Variants in PRKCZ observed in about 807,000 individuals in gnomAD.
The protein encoded by PRKCZ is protein kinase C zeta type.
Under a neutral mutation model 79.5 loss-of-function variants are expected in PRKCZ, and 33 were observed. The observed-to-expected ratio is 0.41, with a 90% CI of 0.31 to 0.55. PRKCZ has a LOEUF of 0.55. Among genes scored for constraint, PRKCZ ranks in the 20% least tolerant of loss-of-function variants. PRKCZ has a pLI of 0.19. For synonymous variants in PRKCZ, 342 were observed against 320.9 expected, an observed-to-expected ratio of 1.07 and a Z score of -0.70; for missense variants, 578 against 813.5, an observed-to-expected ratio of 0.71 and a Z score of 3.52.
At chr1:2,072,372 C>A (rs111246702) in intron 4 of PRKCZ, among the ~76,000 whole-genome samples, 1 of 152,172 alleles carries the variant, frequency 6.6e-6, no homozygotes, top group African/African-American at 2.4e-5. Context: ...GAGATGATGC[C>A]GTTGAGAAGG....
At chr1:2,145,919 T>C in intron 6 of PRKCZ, 108 bp from the exon 7 acceptor site, 1 of 938,134 alleles carries the variant, frequency 1.1e-6, no homozygotes, top group South Asian at 1.4e-5. Context: ...ACCCTGTCTG[T>C]AAAAAAAAGT....
chr1:2,175,422 C>T lies in PRKCZ; in HGVS notation c.1575+109C>T, dbSNP rs1212953665. ...ATATTCACCCAACCCCCACCCCACC[C>T]CATCCGAACCCCAATATCCATCCCA... On this transcript the variant is annotated intron_variant, in intron 16 of 17. Coordinates refer to ENST00000378567, the MANE Select transcript of PRKCZ (RefSeq NM_002744.6). 13 of 854,228 alleles carry T rather than the reference C, an allele frequency of 1.5e-5. No homozygotes were observed. In the African/African-American group the frequency reaches 1.6e-4, roughly 11 times the overall value. 52.9% of individuals were successfully genotyped at this position (854,228 alleles called of 1,614,324 possible).
At chr1:2,103,408 G>A (rs1288870801) in intron 4 of PRKCZ, among the ~76,000 whole-genome samples, 1 of 152,212 alleles carries the variant, frequency 6.6e-6, no homozygotes, top group African/African-American at 2.4e-5. Context: ...CAGAGTGTGG[G>A]GGATGGTTCA....
chr1:2,105,521 T>C (rs1459234037), intron 4 of PRKCZ, among the ~76,000 whole-genome samples: 2 of 152,170 alleles, frequency 1.3e-5, no homozygotes, highest in Non-Finnish European at 1.5e-5. Context: ...TGCCTCGGCC[T>C]CCCGAGTAGC....
Position 2,122,634 on chromosome 1 carries a change from TGTG to T in PRKCZ, c.335-12622_335-12620del, listed in dbSNP as rs1249691362. On this transcript the variant is annotated intron_variant, in intron 4 of 17. Coordinates refer to ENST00000378567, the MANE Select transcript of PRKCZ (RefSeq NM_002744.6). Reference sequence around the variant, plus strand: ...TTAGGGTCACGGTGGTGGTTAGGGTTGTGGTGGTTAGGGTTGTGGTGGTTAGGG... The same window carrying T: ...TTAGGGTCACGGTGGTGGTTAGGGTTGTGGTTAGGGTTGTGGTGGTTAGGG... 8.1e-4 allele frequency among the ~76,000 whole-genome samples: 4 copies of T among 4,916 alleles called. 1 individual carries two copies. The highest frequency in any genetic ancestry group is 1.2e-3 in the Non-Finnish European group (4 of 3,266). The allele number at this position is 4,916 out of a possible 152,430, so 3.2% of individuals were successfully genotyped here. A position where few individuals can be genotyped will look rare whatever the true frequency, so the allele number is the denominator to read the frequency against.
At chr1:2,095,890 T>TTCCCCTCCCCTCCTCTCCCCTCCTC (rs1666403812) in intron 4 of PRKCZ, among the ~76,000 whole-genome samples, 1 of 59,140 alleles carries the variant, frequency 1.7e-5, no homozygotes, top group Non-Finnish European at 3.3e-5. Context: ...CTCCCCTCCT[T>TTCCCCTCCCCTCCTCTCCCCTCCTC]TCCCCTCCCC....
Position 2,184,567 on chromosome 1 carries a change from C to T in PRKCZ, c.1576-16C>T. The T allele has an allele frequency of 6.2e-7, 1 of 1,609,524 alleles. No individual in the cohort carries two copies. The highest frequency in any genetic ancestry group is 8.5e-7 in the Non-Finnish European group (1 of 1,176,636). On this transcript the variant is annotated splice_polypyrimidine_tract_variant and intron_variant, in intron 16 of 17. Transcript: ENST00000378567. Reference sequence around the variant, plus strand: ...TGCCCGCGCGGAGCTGACCCTTCTCCTATTGTTTTTCCAAGCTGGAGAAGA... The same window carrying T: ...TGCCCGCGCGGAGCTGACCCTTCTCTTATTGTTTTTCCAAGCTGGAGAAGA...
intron 4 of PRKCZ, among the ~76,000 whole-genome samples, chr1:2,111,006 G>A (rs1049861318): frequency 7.2e-5 from 11 of 152,160 alleles, no homozygotes; most frequent in African/African-American, 2.2e-4. Flanking sequence ...ACCCTACCCC[G>A]TGCCCGCCCT....
rs567972831 is a variant in PRKCZ at position 2,180,655 on chromosome 1, A to G, written c.1576-3928A>G. Among the ~76,000 whole-genome samples, 49 of 151,942 alleles carry G rather than the reference A, an allele frequency of 3.2e-4. 1 individual carries two copies. The highest frequency in any genetic ancestry group is 1.2e-3 in the Admixed American group (18 of 15,270). ...TCAGATGCACGGACACCCAGATGACATGGATGCACGGACGACTCAGATCCA... is the reference window on the plus strand; with the variant it reads ...TCAGATGCACGGACACCCAGATGACGTGGATGCACGGACGACTCAGATCCA... On this transcript the variant is annotated intron_variant, in intron 16 of 17. Coordinates refer to ENST00000378567, the MANE Select transcript of PRKCZ (RefSeq NM_002744.6).
chr1:2,135,715 A>C (rs1676058404), intron 5 of PRKCZ, among the ~76,000 whole-genome samples: 1 of 152,202 alleles, frequency 6.6e-6, no homozygotes. Context: ...TTTCAGCCGC[A>C]CACAGTGTTG....
At chr1:2,096,806 C>G (rs1280918906) in intron 4 of PRKCZ, among the ~76,000 whole-genome samples, 2 of 152,180 alleles carry the variant, frequency 1.3e-5, no homozygotes, top group Non-Finnish European at 2.9e-5. Flanking sequence ...AAGGGTCAGC[C>G]AGCTCATCCA....
rs184133995 is a variant in PRKCZ, at chr1:2,165,427, G to T, written c.975-4091G>T. 1.6e-4 allele frequency among the ~76,000 whole-genome samples: 25 copies of T among 152,280 alleles called. No individual in the cohort carries two copies. Among genetic ancestry groups the T allele is most frequent in the African/African-American group, 6.0e-4 (25 of 41,548 alleles). On this transcript the variant is annotated intron_variant, in intron 10 of 17. Coordinates refer to ENST00000378567, the MANE Select transcript of PRKCZ (RefSeq NM_002744.6). This position sits in a 1 kb window ranked among gnomAD's most constrained non-coding sequence, Gnocchi z 4.1. ...GGAGAACGTCCCCTAACCTGTCTGT[G>T]CCTCGGCTTCCCCATCTGTAAAATG...
At chr1:2,102,377 G>C (rs1430595248) in intron 4 of PRKCZ, among the ~76,000 whole-genome samples, 1 of 151,572 alleles carries the variant, frequency 6.6e-6, no homozygotes, top group East Asian at 1.9e-4. Flanking sequence ...GTGCTGCCCA[G>C]GCTGGAGTGC....
At chr1:2,068,670 T>C (rs555389905) in intron 4 of PRKCZ, among the ~76,000 whole-genome samples, 1 of 152,360 alleles carries the variant, frequency 6.6e-6, no homozygotes, top group South Asian at 2.1e-4. Context: ...CACAGTTGAC[T>C]ACATCAAGGT....
At chr1:2,083,318 G>T (rs1663918633) in intron 4 of PRKCZ, among the ~76,000 whole-genome samples, 1 of 151,574 alleles carries the variant, frequency 6.6e-6, no homozygotes. Context: ...GGCTCAGCCA[G>T]TGGTCTCAGG....
Position 2,177,256 on chromosome 1 carries a change from C to T in PRKCZ, c.1575+1943C>T, listed in dbSNP as rs989355294. Among the ~76,000 whole-genome samples the T allele has an allele frequency of 6.6e-6, 1 of 152,180 alleles. No homozygotes were observed. Among genetic ancestry groups the T allele is most frequent in the Non-Finnish European group, 1.5e-5 (1 of 68,026 alleles). ...CACACACTCAGGTCCAGGTACCACC[C>T]GGCTGAACCCGTAGCAGGTGCTTAG... is the stretch of plus-strand genomic sequence containing the variant. On this transcript the variant is annotated intron_variant, in intron 16 of 17. Coordinates refer to ENST00000378567, the MANE Select transcript of PRKCZ (RefSeq NM_002744.6). The surrounding 1 kb of genome is among the most constrained non-coding windows in gnomAD (Gnocchi z 6.4).
At chr1:2,058,716 TGA>T (rs1660410048) in intron 3 of PRKCZ, among the ~76,000 whole-genome samples, 1 of 151,000 alleles carries the variant, frequency 6.6e-6, no homozygotes, top group East Asian at 2.0e-4. Context: ...ACCAACATGG[TGA>T]AACCCCATCT....
Position 2,149,140 on chromosome 1 carries a change from G to A in PRKCZ, c.687+216G>A, listed in dbSNP as rs563434040. 2.5e-4 allele frequency among the ~76,000 whole-genome samples: 38 copies of A among 152,310 alleles called. No individual in the cohort carries two copies. The highest frequency in any genetic ancestry group is 8.7e-4 in the African/African-American group (36 of 41,564). On this transcript the variant is annotated intron_variant, in intron 8 of 17. Coordinates refer to ENST00000378567, the MANE Select transcript of PRKCZ (RefSeq NM_002744.6). This position sits in a 1 kb window ranked among gnomAD's most constrained non-coding sequence, Gnocchi z 4.1. ...TGAATACCTGCAGGCAGCTGTCCCC[G>A]CAGGTGGTCTGGGGACCACACCCTG...
At chr1:2,061,631 C>T (rs1433849026) in intron 4 of PRKCZ, among the ~76,000 whole-genome samples, 1 of 152,160 alleles carries the variant, frequency 6.6e-6, no homozygotes, top group Non-Finnish European at 1.5e-5. Context: ...GCCTCTGGGG[C>T]AGCCTTTGCC....
Sources: gnomAD v4.1 joint callset for allele counts (sites outside exome capture counted in the v4.1 genomes callset) on GRCh38, gnomAD v4.1.1 for gene constraint, Gnocchi (gnomAD v3.1) non-coding constraint, MANE v1.5 for transcripts, NCBI Gene and HGNC (gene_info 2026-07-23, HGNC 2026-07-21) for gene names.